CENPE: variants seen among roughly 807,000 people sequenced by gnomAD.
The protein encoded by CENPE is centromere protein E, also known as centromere-associated protein E.
CENPE carries 145 observed loss-of-function variants against 336.1 expected under a neutral mutation model. That is an observed-to-expected ratio of 0.43 (90% CI 0.38 to 0.50). The LOEUF (loss-of-function observed/expected upper bound fraction) is 0.50, where lower values mean the gene tolerates loss of function less well. Ranked by LOEUF, CENPE falls within the 20% of genes least tolerant of loss-of-function variation. CENPE has a pLI of 0.00. For missense variants in CENPE, 2,719 were observed against 3,023.3 expected (o/e 0.90, Z 2.36); for synonymous variants, 1,013 against 984.8 (o/e 1.03, Z -0.54).
chr4:103,186,672 G>T (rs1171409285), intron 8 of CENPE, among the ~76,000 whole-genome samples: 1 of 152,180 alleles, frequency 6.6e-6, no homozygotes, highest in Non-Finnish European at 1.5e-5. Context: ...CTACATAGAG[G>T]AGGAGGCTGG....
intron 42 of CENPE, among the ~76,000 whole-genome samples, chr4:103,127,285 G>T (rs55859909): frequency 0.02 from 3,007 of 152,150 alleles, 97 homozygotes; most frequent in African/African-American, 0.068. Flanking sequence ...CTTCTCTGAA[G>T]CTATTCAAGC....
In CENPE at chr4:103,165,879, TAAAAAAAAA is replaced by T. The variant is rs201641959; in HGVS notation, c.1648-2335_1648-2327del. Reference sequence around the variant, plus strand: ...GATTAGAAAGCTGAGCTTTGTGTTTTAAAAAAAAAAAAAAGAAAAAAAAGAAAAAGAAAT... The same window carrying T: ...GATTAGAAAGCTGAGCTTTGTGTTTTAAAAAGAAAAAAAAGAAAAAGAAAT... On this transcript the variant is annotated intron_variant, in intron 16 of 48. Transcript: ENST00000265148. Among the ~76,000 whole-genome samples the T allele has an allele frequency of 1.3e-4, 18 of 139,854 alleles. No homozygotes were observed. The East Asian group carries it at 3.4e-3, about 27-fold the overall frequency. The allele number at this position is 139,854 out of a possible 152,430, so 91.7% of individuals were successfully genotyped here.
chr4:103,109,157 A>G (rs1279125070), intron 47 of CENPE, 68 bp from the exon 48 acceptor site: 15 of 1,192,550 alleles, frequency 1.3e-5, no homozygotes, highest in Non-Finnish European at 1.5e-5. Context: ...TCACATTTAT[A>G]TTTAAAAATT....
Position 103,159,116 on chromosome 4 carries a change from T to G in CENPE, c.2495A>C (p.Lys832Thr). The G allele has an allele frequency of 6.2e-7, 1 of 1,605,284 alleles. No homozygotes were observed. Among genetic ancestry groups the G allele is most frequent in the South Asian group, 1.1e-5 (1 of 89,364 alleles). ...ATTCTCCTCAAGGACCATCTTATAC[T>G]TTTGCTCAAAGTCCATATGAAGGGT... ...FKTLHMDFEQ[K>T]YKMVLEENER... The change falls in exon 22 of 49, where the codon AAG becomes ACG. Residue 832 changes from lysine to threonine, a missense_variant. Physicochemically the swap from Lys to Thr is moderately conservative, Grantham distance 78. Around this residue, in one of 5 missense-constraint regions of CENPE, gnomAD observed 2,437 missense variants for 2,513.3 expected, o/e 0.97. Transcript: ENST00000265148.
chr4:103,139,690 T>C (rs1015671108), intron 38 of CENPE, 99 bp downstream of exon 38: 19 of 1,173,192 alleles, frequency 1.6e-5, no homozygotes, highest in Non-Finnish European at 2.1e-5. Flanking sequence ...TTACTGTTCA[T>C]AGGAATTTCC....
At chr4:103,133,444 A>G (rs1279430604) in intron 41 of CENPE, among the ~76,000 whole-genome samples, 1 of 152,174 alleles carries the variant, frequency 6.6e-6, no homozygotes, top group African/African-American at 2.4e-5. Context: ...TGCAAGTAAC[A>G]CATTCCATGT....
Position 103,171,931 on chromosome 4 carries a change from C to T in CENPE, c.1647+2805G>A, listed in dbSNP as rs561181357. ...GACTGAATTATGAATAAATAGAAAACCTGAACAGGCCAGTAATGAGAAAGG... is the reference window on the plus strand; with the variant it reads ...GACTGAATTATGAATAAATAGAAAATCTGAACAGGCCAGTAATGAGAAAGG... On this transcript the variant is annotated intron_variant, in intron 16 of 48. Coordinates refer to ENST00000265148, the MANE Select transcript of CENPE (RefSeq NM_001813.3). Among the ~76,000 whole-genome samples, 8 of 151,862 alleles carry T rather than the reference C, an allele frequency of 5.3e-5. No homozygotes were observed. In the South Asian group the frequency reaches 1.7e-3, roughly 31 times the overall value.
chr4:103,113,259 T>G (rs1578534899), intron 46 of CENPE, among the ~76,000 whole-genome samples: 1 of 141,876 alleles, frequency 7.0e-6, no homozygotes, highest in East Asian at 2.1e-4. Flanking sequence ...TATATATAAG[T>G]GTATACATAT....
At chr4:103,179,843 T>G (rs886431747) in intron 13 of CENPE, among the ~76,000 whole-genome samples, 1 of 152,156 alleles carries the variant, frequency 6.6e-6, no homozygotes, top group Admixed American at 6.5e-5. Flanking sequence ...AATAAATAAA[T>G]TCCTACTCAA....
At chr4:103,120,679 A>G (rs1450989875) in intron 43 of CENPE, among the ~76,000 whole-genome samples, 3 of 152,182 alleles carry the variant, frequency 2.0e-5, no homozygotes, top group African/African-American at 7.2e-5. Flanking sequence ...ACTTAAACAA[A>G]GGACATTGGT....
intron 43 of CENPE, among the ~76,000 whole-genome samples, chr4:103,121,286 T>C (rs1750598945): frequency 6.6e-6 from 1 of 152,174 alleles, no homozygotes; most frequent in African/African-American, 2.4e-5. Flanking sequence ...AACATATTTT[T>C]TCCAGATCTT....
Position 103,159,812 on chromosome 4 carries a change from A to C in CENPE, c.2287-488T>G, listed in dbSNP as rs530099714. Among the ~76,000 whole-genome samples, 4 of 152,048 alleles carry C rather than the reference A, an allele frequency of 2.6e-5. No individual in the cohort carries two copies. The South Asian group carries it at 8.3e-4, about 31-fold the overall frequency. ...CCATGAAAAAAATAAAAATAGAAGT[A>C]CCACTTAAGTAATATTTAAATAATT... On this transcript the variant is annotated intron_variant, in intron 21 of 48. Coordinates refer to ENST00000265148, the MANE Select transcript of CENPE (RefSeq NM_001813.3).
intron 9 of CENPE, among the ~76,000 whole-genome samples, chr4:103,184,844 T>G (rs989989822): frequency 5.9e-5 from 9 of 152,226 alleles, no homozygotes; most frequent in African/African-American, 2.2e-4. Context: ...TAAAATCATC[T>G]TACCTAATTT....
At chr4:103,111,812 A>C (rs1749456867) in intron 46 of CENPE, among the ~76,000 whole-genome samples, 1 of 152,102 alleles carries the variant, frequency 6.6e-6, no homozygotes, top group Non-Finnish European at 1.5e-5. Context: ...GGGAAGTTTA[A>C]GCTACAACAG....
chr4:103,163,305 C>G, intron 17 of CENPE, 49 bp from the exon 18 acceptor site: 1 of 1,530,884 alleles, frequency 6.5e-7, no homozygotes, highest in African/African-American at 1.4e-5. Flanking sequence ...GATTTGAAGT[C>G]TAAGGGATTA....
rs575353274 is a variant in CENPE, at chr4:103,163,530, C to T, written c.1671G>A (p.Ser557=). 18 of 1,583,894 alleles carry T rather than the reference C, an allele frequency of 1.1e-5. No homozygotes were observed. Among genetic ancestry groups the T allele is most frequent in the African/African-American group, 5.6e-5 (4 of 71,470 alleles). ...DQEMQLIHEI[S]NLKNLVKHAE... ...CATGCTTAACTAAATTCTTTAAGTT[C>T]GAAATTTCATGAATTAGTTGCATCT... The change falls in exon 17 of 49, where the codon TCG becomes TCA. Residue 557 remains serine (S), a synonymous_variant. Coordinates refer to ENST00000265148, the MANE Select transcript of CENPE (RefSeq NM_001813.3).
At chr4:103,107,904 G>C (rs570243288) in intron 48 of CENPE, among the ~76,000 whole-genome samples, 10 of 152,128 alleles carry the variant, frequency 6.6e-5, no homozygotes, top group African/African-American at 2.4e-4. Context: ...TCTTTCAAAG[G>C]CTTCCTCTAC....
intron 22 of CENPE, 52 bp from the exon 23 acceptor site, chr4:103,158,938 G>T: frequency 6.4e-7 from 1 of 1,555,658 alleles, no homozygotes; most frequent in Non-Finnish European, 8.6e-7. Context: ...GCAGTCTGAG[G>T]CATACATATA....
At position 103,163,332 on chromosome 4, in the gene CENPE, T is replaced by C. The variant is rs3214073; in HGVS notation, c.1723-76A>G. ...AAGGGATTAAAACAGAACTTATATATATTAGTTTAAATTCATAGTAAAATT... is the reference window on the plus strand; with the variant it reads ...AAGGGATTAAAACAGAACTTATATACATTAGTTTAAATTCATAGTAAAATT... On this transcript the variant is annotated intron_variant, in intron 17 of 48. Coordinates refer to ENST00000265148, the MANE Select transcript of CENPE (RefSeq NM_001813.3). 1,819 of 1,357,290 alleles carry C rather than the reference T, an allele frequency of 1.3e-3. 31 individuals carry two copies. In the East Asian group the frequency reaches 0.036, roughly 26 times the overall value. 84.1% of individuals were successfully genotyped at this position (1,357,290 alleles called of 1,614,324 possible).
Sources: gnomAD v4.1 joint callset for allele counts (sites outside exome capture counted in the v4.1 genomes callset) on GRCh38, gnomAD v4.1.1 for gene constraint, gnomAD v4.1.1 regional missense constraint, MANE v1.5 for transcripts, NCBI Gene and HGNC (gene_info 2026-07-23, HGNC 2026-07-21) for gene names.